The following TMOD3 variants were observed in gnomAD, a reference collection of about 807,000 sequenced individuals.
TMOD3 encodes the protein tropomodulin-3.
In TMOD3, 20 loss-of-function variants were observed where a neutral mutation model predicts 39.2. The ratio of observed to expected loss-of-function variants is 0.51; its 90% CI spans 0.36 to 0.74. TMOD3 has a LOEUF of 0.74. Ranked by LOEUF, TMOD3 falls within the 30% of genes least tolerant of loss-of-function variation. The probability of loss-of-function intolerance (pLI) is 0.00; values close to 1 mark genes in which losing one functional copy is unlikely to be tolerated. For missense variants in TMOD3, 381 were observed against 412.8 expected (o/e 0.92, Z 0.67); for synonymous variants, 143 against 145.8 (o/e 0.98, Z 0.14).
intron 1 of TMOD3, among the ~76,000 whole-genome samples, chr15:51,850,801 A>C (rs1453111396): frequency 6.6e-6 from 1 of 152,062 alleles, no homozygotes; most frequent in African/African-American, 2.4e-5. Flanking sequence ...CAGTGGCGCG[A>C]TCTCGGCTCA....
chr15:51,900,490 A>G (rs997072225), intron 8 of TMOD3, among the ~76,000 whole-genome samples, 192 bp downstream of exon 8: 1 of 152,182 alleles, frequency 6.6e-6, no homozygotes, highest in Non-Finnish European at 1.5e-5. Flanking sequence ...TACAATGTAA[A>G]GGTGTATACT....
chr15:51,848,007 AG>A (rs1354779303), intron 1 of TMOD3, among the ~76,000 whole-genome samples: 2 of 152,122 alleles, frequency 1.3e-5, no homozygotes, highest in African/African-American at 4.8e-5. Flanking sequence ...ATTATAAAAG[AG>A]GCCCTAGAGA....
chr15:51,898,133 T>TA (rs1234029996), intron 7 of TMOD3, among the ~76,000 whole-genome samples: 2 of 152,248 alleles, frequency 1.3e-5, no homozygotes, highest in African/African-American at 2.4e-5. Flanking sequence ...TCAGTGGCCT[T>TA]ATAAGGCTTC....
intron 1 of TMOD3, among the ~76,000 whole-genome samples, chr15:51,840,269 C>A (rs1279702116): frequency 1.3e-5 from 2 of 152,170 alleles, no homozygotes; most frequent in African/African-American, 4.8e-5. Flanking sequence ...CCAACTCTCT[C>A]AGTCTCTGCG....
At chr15:51,906,819 G>T (rs2056683806) in intron 9 of TMOD3, among the ~76,000 whole-genome samples, 1 of 152,030 alleles carries the variant, frequency 6.6e-6, no homozygotes, top group South Asian at 2.1e-4. Context: ...TCAGGAGTTC[G>T]AGACCAGCCT....
chr15:51,896,166 T>A (rs1595910310), intron 6 of TMOD3, among the ~76,000 whole-genome samples: 1 of 152,290 alleles, frequency 6.6e-6, no homozygotes, highest in South Asian at 2.1e-4. Flanking sequence ...GAATTTTTTT[T>A]AACCTAAATG....
chr15:51,835,705 A>AT lies in TMOD3; in HGVS notation c.-75+5876dup, dbSNP rs565584799. On this transcript the variant is annotated intron_variant, in intron 1 of 9. Coordinates refer to ENST00000308580, the MANE Select transcript of TMOD3 (RefSeq NM_014547.5). The stretch of plus-strand genomic sequence containing the variant: ...CAATTTTTAGGGAGACAGTTTGGTT[A>AT]TTTTTTTCTTCTAAGTTTATTTGCT... 2.4e-3 allele frequency among the ~76,000 whole-genome samples: 365 copies of AT among 152,178 alleles called. 1 individual carries two copies. Among genetic ancestry groups the AT allele is most frequent in the Admixed American group, 8.1e-3 (124 of 15,286 alleles).
intron 9 of TMOD3, among the ~76,000 whole-genome samples, chr15:51,904,973 C>G (rs141465473): frequency 6.6e-6 from 1 of 152,336 alleles, no homozygotes; most frequent in East Asian, 1.9e-4. Flanking sequence ...TACACTGTTT[C>G]ATTCTGATCC....
rs142150694 is a variant in TMOD3 at position 51,868,361 on chromosome 15, A to G, written c.127-856A>G. The stretch of plus-strand genomic sequence containing the variant: ...TGTGCAGGTTTCATTACGTAGGTAA[A>G]CTTGTGTCATGGGGGTTTGTTGTAC... On this transcript the variant is annotated intron_variant, in intron 2 of 9. Coordinates refer to ENST00000308580, the MANE Select transcript of TMOD3 (RefSeq NM_014547.5). 3.5e-3 allele frequency among the ~76,000 whole-genome samples: 533 copies of G among 152,282 alleles called. 2 individuals carry two copies. Among genetic ancestry groups the G allele is most frequent in the Non-Finnish European group, 6.2e-3 (424 of 68,018 alleles).
At chr15:51,895,512 G>A (rs1035030154) in intron 6 of TMOD3, among the ~76,000 whole-genome samples, 1 of 151,962 alleles carries the variant, frequency 6.6e-6, no homozygotes, top group African/African-American at 2.4e-5. Context: ...GAGCCACTGC[G>A]CCCGGCCTAT....
At chr15:51,898,314 C>A (rs536135738) in intron 7 of TMOD3, among the ~76,000 whole-genome samples, 1 of 152,182 alleles carries the variant, frequency 6.6e-6, no homozygotes, top group Admixed American at 6.5e-5. Context: ...ATCACTTTGA[C>A]TCTTTGCTCA....
chr15:51,900,340 A>T, intron 8 of TMOD3, 42 bp downstream of exon 8: 4 of 1,610,188 alleles, frequency 2.5e-6, no homozygotes, highest in Non-Finnish European at 3.4e-6. Flanking sequence ...GCTACAGCCC[A>T]CGCTGCTGTG....
In TMOD3 at chr15:51,908,895, G is replaced by A; in HGVS notation, c.*85G>A. The A allele has an allele frequency of 1.6e-6, 2 of 1,229,438 alleles. No individual in the cohort carries two copies. The highest frequency in any genetic ancestry group is 2.6e-5 in the East Asian group (1 of 39,098). The allele number at this position is 1,229,438 out of a possible 1,614,324, so 76.2% of individuals were successfully genotyped here. A position where few individuals can be genotyped will look rare whatever the true frequency, so the allele number is the denominator to read the frequency against. ...ACATCATGTAAAATTTTCCTGGGTA[G>A]AAGGGAAAAGACTGGAAAAATTTTT... On this transcript the variant is annotated 3_prime_UTR_variant, in exon 10 of 10. Coordinates refer to ENST00000308580, the MANE Select transcript of TMOD3 (RefSeq NM_014547.5).
Position 51,893,807 on chromosome 15 carries a change from C to A in TMOD3, c.497-8C>A. On this transcript the variant is annotated splice_polypyrimidine_tract_variant and splice_region_variant and intron_variant, in intron 5 of 9. Coordinates refer to ENST00000308580, the MANE Select transcript of TMOD3 (RefSeq NM_014547.5). ...ATCAAATCCTGCTCTTTTCATTTAT[C>A]ACTGCAGATGTGGTCAAAGGTGAAA... 2 of 1,510,986 alleles carry A rather than the reference C, an allele frequency of 1.3e-6. No homozygotes were observed. The highest frequency in any genetic ancestry group is 2.2e-5 in the Admixed American group (1 of 46,186). The allele number at this position is 1,510,986 out of a possible 1,614,324, so 93.6% of individuals were successfully genotyped here.
chr15:51,912,862 C>T lies in TMOD3; in HGVS notation c.*4052C>T, dbSNP rs2056718337. On this transcript the variant is annotated 3_prime_UTR_variant, in exon 10 of 10. Coordinates refer to ENST00000308580, the MANE Select transcript of TMOD3 (RefSeq NM_014547.5). ...AAATTATCCTCTCCATCAGCTCTCACTGATCATTAATGTTTCTGGATATTT... is the reference window on the plus strand; with the variant it reads ...AAATTATCCTCTCCATCAGCTCTCATTGATCATTAATGTTTCTGGATATTT... The T allele has an allele frequency of 6.6e-6, 1 of 152,242 alleles. No individual in the cohort carries two copies. Among genetic ancestry groups the T allele is most frequent in the African/African-American group, 2.4e-5 (1 of 41,460 alleles). The allele number at this position is 152,242 out of a possible 1,614,324, so 9.4% of individuals were successfully genotyped here.
chr15:51,839,948 G>A (rs572289329), intron 1 of TMOD3, among the ~76,000 whole-genome samples: 1 of 152,238 alleles, frequency 6.6e-6, no homozygotes, highest in Admixed American at 6.5e-5. Flanking sequence ...ATAAAACCAA[G>A]TTCTCACATC....
chr15:51,906,692 G>C (rs1030010996), intron 9 of TMOD3, among the ~76,000 whole-genome samples: 1 of 152,214 alleles, frequency 6.6e-6, no homozygotes, highest in East Asian at 1.9e-4. Flanking sequence ...AAACCCTGCT[G>C]CAATTCAAAA....
chr15:51,861,895 G>A (rs1342089441), intron 1 of TMOD3, among the ~76,000 whole-genome samples: 1 of 151,912 alleles, frequency 6.6e-6, no homozygotes, highest in South Asian at 2.1e-4. Flanking sequence ...CACCTGCCTC[G>A]GACTCCCAAC....
At chr15:51,863,168 C>G (rs2056427898) in intron 2 of TMOD3, among the ~76,000 whole-genome samples, 158 bp downstream of exon 2, 1 of 152,220 alleles carries the variant, frequency 6.6e-6, no homozygotes, top group African/African-American at 2.4e-5. Context: ...TCCAGTTCCC[C>G]ACTTCTGCCT....
Sources: gnomAD v4.1 joint callset for allele counts (sites outside exome capture counted in the v4.1 genomes callset) on GRCh38, gnomAD v4.1.1 for gene constraint, MANE v1.5 for transcripts, NCBI Gene and HGNC (gene_info 2026-07-23, HGNC 2026-07-21) for gene names.